The following SPTB variants were observed in gnomAD, a reference collection of about 807,000 sequenced individuals.
SPTB encodes the protein spectrin beta chain, erythrocytic.
In SPTB, 45 loss-of-function variants were observed where a neutral mutation model predicts 256.2. The observed-to-expected ratio is 0.18, with a 90% CI of 0.14 to 0.23. The LOEUF (loss-of-function observed/expected upper bound fraction) is 0.23. SPTB is among the 10% of genes least tolerant of loss of function. The pLI is 1.00. For synonymous variants in SPTB, 1,231 were observed against 1,243.1 expected (o/e 0.99, Z 0.21); for missense variants, 2,715 against 3,040.4 (o/e 0.89, Z 2.52).
In SPTB at chr14:64,791,656, C is replaced by T; in HGVS notation, c.2804+63G>A. On this transcript the variant is annotated intron_variant, in intron 15 of 35. Coordinates refer to ENST00000644917, the MANE Select transcript of SPTB (RefSeq NM_001355436.2). ...AGGTGGACTAAATTTTGGGCCCGGC[C>T]CCCAGCAGTGTGTCAGATGTTGAGA... 2.5e-6 allele frequency: 4 copies of T among 1,607,032 alleles called. No homozygotes were observed. The South Asian group carries it at 3.3e-5, about 13-fold the overall frequency.
At chr14:64,809,926 A>G (rs979993652) in intron 2 of SPTB, among the ~76,000 whole-genome samples, 1 of 152,194 alleles carries the variant, frequency 6.6e-6, no homozygotes. Context: ...CAAGATATCA[A>G]TTTACCCTAA....
rs565056945 is a variant in SPTB, at chr14:64,792,901, G to A, written c.2666+96C>T. On this transcript the variant is annotated intron_variant, in intron 14 of 35. Transcript: ENST00000644917. This position sits in a 1 kb window ranked among gnomAD's most constrained non-coding sequence, Gnocchi z 4.2. ...AGGACATCCCAGGGCCTCTCAAAGA[G>A]ACCTTTGCTGATCCAGAGACTATTA... 3 of 1,560,562 alleles carry A rather than the reference G, an allele frequency of 1.9e-6. No individual in the cohort carries two copies. Among genetic ancestry groups the A allele is most frequent in the Non-Finnish European group, 1.8e-6 (2 of 1,138,864 alleles).
intron 1 of SPTB, among the ~76,000 whole-genome samples, chr14:64,878,369 G>A (rs186307263): frequency 6.6e-6 from 1 of 152,066 alleles, no homozygotes; most frequent in Non-Finnish European, 1.5e-5. Flanking sequence ...TGGACATTCA[G>A]CATACATTAA....
chr14:64,858,437 C>G (rs2083906824), intron 1 of SPTB, among the ~76,000 whole-genome samples: 1 of 152,088 alleles, frequency 6.6e-6, no homozygotes, highest in South Asian at 2.1e-4. Flanking sequence ...GAAATTCGAG[C>G]AGGTATGAAA....
chr14:64,829,633 A>G (rs1329662408), intron 1 of SPTB, among the ~76,000 whole-genome samples: 1 of 152,232 alleles, frequency 6.6e-6, no homozygotes, highest in Non-Finnish European at 1.5e-5. Context: ...AATAAGAAGC[A>G]GCTTATTGAC....
rs2082898906 is a variant in SPTB at position 64,802,158 on chromosome 14, G to A, written c.566+68C>T. On this transcript the variant is annotated intron_variant, in intron 5 of 35. Transcript: ENST00000644917. This position sits in a 1 kb window ranked among gnomAD's most constrained non-coding sequence, Gnocchi z 5.1. Reference sequence around the variant, plus strand: ...TGATGATGTCTAATGTCCCTCTGGAGATGGCAGTGCTTGTGCGGAGCAAGG... The same window carrying A: ...TGATGATGTCTAATGTCCCTCTGGAAATGGCAGTGCTTGTGCGGAGCAAGG... The A allele has an allele frequency of 7.0e-7, 1 of 1,422,332 alleles. No homozygotes were observed. The highest frequency in any genetic ancestry group is 1.2e-5 in the South Asian group (1 of 86,480). The allele number at this position is 1,422,332 out of a possible 1,614,324, so 88.1% of individuals were successfully genotyped here.
At position 64,786,440 on chromosome 14, in the gene SPTB, T is replaced by A. The variant is rs754503810; in HGVS notation, c.3525A>T (p.Lys1175Asn). The A allele has an allele frequency of 1.9e-6, 3 of 1,614,140 alleles. No individual in the cohort carries two copies. The Admixed American group carries it at 5.0e-5, about 27-fold the overall frequency. Reference protein sequence around the residue: ...AQCLGFQEFQKDAKQAEAILS... With the variant: ...AQCLGFQEFQNDAKQAEAILS... ...GGATGGCTTCAGCCTGCTTGGCATC[T>A]TTCTGGAACTCCTGGAAGCCAAGGC... Residue 1175 changes from lysine to asparagine, a missense_variant, in exon 16 of 36, where the codon AAA becomes AAT. Physicochemically the swap from Lys to Asn is moderately conservative, Grantham distance 94. This residue lies in a region of SPTB where 2,239 missense variants were observed against 2,384.4 expected (regional missense o/e 0.94). Transcript: ENST00000644917. The surrounding 1 kb of genome is among the most constrained non-coding windows in gnomAD (Gnocchi z 5.6).
At chr14:64,858,478 C>A (rs1177924643) in intron 1 of SPTB, among the ~76,000 whole-genome samples, 1 of 152,154 alleles carries the variant, frequency 6.6e-6, no homozygotes, top group East Asian at 1.9e-4. Flanking sequence ...GTAGGAGGCC[C>A]TGCTGTGGGG....
Position 64,827,803 on chromosome 14 carries a change from C to T in SPTB, c.-51-4658G>A, listed in dbSNP as rs1292668543. 3.3e-5 allele frequency among the ~76,000 whole-genome samples: 5 copies of T among 152,192 alleles called. No individual in the cohort carries two copies. The highest frequency in any genetic ancestry group is 7.3e-5 in the Non-Finnish European group (5 of 68,040). ...CCTCCATCTGCCTACCAGACATTTCCACCTAGAAATTACAGCTCAGTCTCA... is the reference window on the plus strand; with the variant it reads ...CCTCCATCTGCCTACCAGACATTTCTACCTAGAAATTACAGCTCAGTCTCA... On this transcript the variant is annotated intron_variant, in intron 1 of 35. Transcript: ENST00000644917. The surrounding 1 kb of genome is among the most constrained non-coding windows in gnomAD (Gnocchi z 4.6).
Position 64,785,401 on chromosome 14 carries a change from G to A in SPTB, c.3855+136C>T, listed in dbSNP as rs375787220. ...AGATTCCAGAGAATGACCCAATTAA[G>A]TACCCAGAGGTCCCCGCTCATGGAA... On this transcript the variant is annotated intron_variant, in intron 18 of 35. Transcript: ENST00000644917. This position sits in a 1 kb window ranked among gnomAD's most constrained non-coding sequence, Gnocchi z 4.4. 1.3e-6 allele frequency: 1 copy of A among 746,898 alleles called. No individual in the cohort carries two copies. The allele number at this position is 746,898 out of a possible 1,614,324, so 46.3% of individuals were successfully genotyped here. A position where few individuals can be genotyped will look rare whatever the true frequency, so the allele number is the denominator to read the frequency against.
Position 64,826,330 on chromosome 14 carries a change from C to T in SPTB, c.-51-3185G>A, listed in dbSNP as rs868032925. On this transcript the variant is annotated intron_variant, in intron 1 of 35. Transcript: ENST00000644917. This position sits in a 1 kb window ranked among gnomAD's most constrained non-coding sequence, Gnocchi z 4.4. ...CATGTCTCTTTCCATACTGTTACAA[C>T]GGCCCTTCAAAGGCCTGGCTATAAA... Among the ~76,000 whole-genome samples, 10 of 152,304 alleles carry T rather than the reference C, an allele frequency of 6.6e-5. No homozygotes were observed. The highest frequency in any genetic ancestry group is 6.2e-4 in the South Asian group (3 of 4,828).
chr14:64,846,372 G>A (rs538013841), intron 1 of SPTB, among the ~76,000 whole-genome samples: 6 of 152,292 alleles, frequency 3.9e-5, no homozygotes, highest in African/African-American at 1.2e-4. Flanking sequence ...GGCTAATAGG[G>A]CCTCATACTT....
chr14:64,784,191 T>C (rs2082520769), intron 19 of SPTB, 56 bp downstream of exon 19: 16 of 1,611,436 alleles, frequency 9.9e-6, no homozygotes, highest in Non-Finnish European at 1.3e-5. Context: ...GTGAAGCCCA[T>C]CCAGGCAAGC....
intron 2 of SPTB, among the ~76,000 whole-genome samples, chr14:64,811,653 A>C (rs1298596998): frequency 1.3e-5 from 2 of 152,272 alleles, no homozygotes; most frequent in Non-Finnish European, 2.9e-5. Flanking sequence ...CAAATATAAC[A>C]AAATATCAAC....
At position 64,772,484 on chromosome 14, in the gene SPTB, T is replaced by G; in HGVS notation, c.5553+96A>C. The G allele has an allele frequency of 6.6e-7, 1 of 1,526,626 alleles. No individual in the cohort carries two copies. 94.6% of individuals were successfully genotyped at this position (1,526,626 alleles called of 1,614,324 possible). A position where few individuals can be genotyped will look rare whatever the true frequency, so the allele number is the denominator to read the frequency against. ...CTAAGGAGGCAAAACCTCCTGGCAC[T>G]TATCCTAGAGGTTTTCCTGCTGACA... is the stretch of plus-strand genomic sequence containing the variant. On this transcript the variant is annotated intron_variant, in intron 26 of 35. Transcript: ENST00000644917. This position sits in a 1 kb window ranked among gnomAD's most constrained non-coding sequence, Gnocchi z 5.4.
rs901646403 is a variant in SPTB at position 64,853,861 on chromosome 14, G to A, written c.-52+25931C>T. Reference sequence around the variant, plus strand: ...TAGTAAAATTTAACACTTATCATTGGTATGACTCAAGAGACATTTATTAAA... The same window carrying A: ...TAGTAAAATTTAACACTTATCATTGATATGACTCAAGAGACATTTATTAAA... On this transcript the variant is annotated intron_variant, in intron 1 of 35. Coordinates refer to ENST00000644917, the MANE Select transcript of SPTB (RefSeq NM_001355436.2). The surrounding 1 kb of genome is among the most constrained non-coding windows in gnomAD (Gnocchi z 4.3). Among the ~76,000 whole-genome samples the A allele has an allele frequency of 6.6e-6, 1 of 152,114 alleles. No homozygotes were observed. The highest frequency in any genetic ancestry group is 2.4e-5 in the African/African-American group (1 of 41,394).
rs539965592 is a variant in SPTB, at chr14:64,825,664, G to T, written c.-51-2519C>A. 5.9e-5 allele frequency among the ~76,000 whole-genome samples: 9 copies of T among 152,334 alleles called. No homozygotes were observed. The highest frequency in any genetic ancestry group is 1.3e-4 in the Non-Finnish European group (9 of 68,024). On this transcript the variant is annotated intron_variant, in intron 1 of 35. Transcript: ENST00000644917. This position sits in a 1 kb window ranked among gnomAD's most constrained non-coding sequence, Gnocchi z 4.8. Reference sequence around the variant, plus strand: ...AACCGGACCCTGGCTCTCCTGATTCGTCCTGGGCTATTTTTAAGAGTGGCT... The same window carrying T: ...AACCGGACCCTGGCTCTCCTGATTCTTCCTGGGCTATTTTTAAGAGTGGCT...
chr14:64,779,174 A>G lies in SPTB; in HGVS notation c.4546T>C (p.Phe1516Leu), dbSNP rs1297820684. The change falls in exon 22 of 36, where the codon TTC becomes CTC. Residue 1516 changes from phenylalanine to leucine, a missense_variant. By Grantham distance (22) the Phe-to-Leu change is conservative. This residue lies in a region of SPTB where 2,239 missense variants were observed against 2,384.4 expected (regional missense o/e 0.94). Transcript: ENST00000644917. The surrounding 1 kb of genome is among the most constrained non-coding windows in gnomAD (Gnocchi z 4.2). ...GGACTCACCTGGTTCTTCTTCATGAACAGTTGCACAGTTTGCAGATTAGTG... is the reference window on the plus strand; with the variant it reads ...GGACTCACCTGGTTCTTCTTCATGAGCAGTTGCACAGTTTGCAGATTAGTG... ...YGTNLQTVQL[F>L]MKKNQTLQNE... is the part of the protein sequence containing the mutation. 1 of 1,613,882 alleles carries G rather than the reference A, an allele frequency of 6.2e-7. No individual in the cohort carries two copies. The highest frequency in any genetic ancestry group is 1.7e-5 in the Admixed American group (1 of 59,992).
intron 19 of SPTB, among the ~76,000 whole-genome samples, chr14:64,783,898 C>T (rs2082515745): frequency 6.6e-6 from 1 of 152,206 alleles, no homozygotes; most frequent in Admixed American, 6.5e-5. Flanking sequence ...CTTGCCTATT[C>T]CTCCAGCCCT....
Sources: allele counts gnomAD v4.1 joint callset (sites outside exome capture counted in the v4.1 genomes callset), GRCh38; gene constraint gnomAD v4.1.1; regional missense constraint gnomAD v4.1.1; non-coding constraint Gnocchi (gnomAD v3.1); transcripts MANE v1.5; gene names NCBI Gene and HGNC (gene_info 2026-07-23, HGNC 2026-07-21).